CCDC158: variants seen among roughly 807,000 people sequenced by gnomAD.
The protein encoded by CCDC158 is coiled-coil domain containing 158.
Under a neutral mutation model 138.6 loss-of-function variants are expected in CCDC158, and 116 were observed. The observed-to-expected ratio is 0.84, with a 90% confidence interval of 0.72 to 0.98. The LOEUF (loss-of-function observed/expected upper bound fraction) is 0.98. CCDC158 is among the 50% of genes least tolerant of loss of function. CCDC158 has a pLI of 0.00. For missense variants in CCDC158, 1,265 were observed against 1,306.1 expected (o/e 0.97, Z 0.48); for synonymous variants, 436 against 442.4 (o/e 0.99, Z 0.18).
intron 2 of CCDC158, among the ~76,000 whole-genome samples, chr4:76,408,495 G>A (rs182612465): frequency 3.3e-5 from 5 of 152,150 alleles, no homozygotes; most frequent in African/African-American, 1.2e-4. Flanking sequence ...CTTCATCCAC[G>A]TCCCTACAAA....
At chr4:76,347,346 G>A (rs1002657036) in intron 18 of CCDC158, among the ~76,000 whole-genome samples, 13 of 152,050 alleles carry the variant, frequency 8.5e-5, no homozygotes, top group African/African-American at 3.1e-4. Context: ...CAGGCACATG[G>A]CACATACACA....
Position 76,369,640 on chromosome 4 carries a change from A to AAAAAGCAT in CCDC158, c.1150-18_1150-17insATGCTTTT. 1 of 1,591,858 alleles carries AAAAAGCAT rather than the reference A, an allele frequency of 6.3e-7. No individual in the cohort carries two copies. The highest frequency in any genetic ancestry group is 8.6e-7 in the Non-Finnish European group (1 of 1,165,412). ...TAGATCAGCCTAAAAAAAGAGAGGAATGCTTTTTTCCTCCCTGCTATTAAA... is the reference window on the plus strand; with the variant it reads ...TAGATCAGCCTAAAAAAAGAGAGGAAAAAAGCATTGCTTTTTTCCTCCCTGCTATTAAA... On this transcript the variant is annotated splice_polypyrimidine_tract_variant and intron_variant, in intron 10 of 24. Transcript: ENST00000682701.
intron 9 of CCDC158, chr4:76,375,242 G>A: frequency 3.3e-6 from 1 of 305,174 alleles, no homozygotes; most frequent in African/African-American, 2.1e-5. Context: ...CACCATCTAT[G>A]AATGCACTTT....
Position 76,367,641 on chromosome 4 carries a change from C to T in CCDC158, c.1483G>A (p.Glu495Lys), listed in dbSNP as rs1402801271. 1 of 1,614,118 alleles carries T rather than the reference C, an allele frequency of 6.2e-7. No individual in the cohort carries two copies. Among genetic ancestry groups the T allele is most frequent in the Non-Finnish European group, 8.5e-7 (1 of 1,180,058 alleles). ...TAKKMTLESS[E>K]RTISDLTTSL... Reference sequence around the variant, plus strand: ...GTTGTCAGGTCCGATATTGTCCTCTCTGAGCTCTCCAGAGTCATTTTCTTG... The same window carrying T: ...GTTGTCAGGTCCGATATTGTCCTCTTTGAGCTCTCCAGAGTCATTTTCTTG... The change falls in exon 12 of 25, where the codon GAG becomes AAG. Residue 495 changes from glutamate (E) to lysine (K), a missense_variant. Transcript: ENST00000682701.
At position 76,405,984 on chromosome 4, in the gene CCDC158, A is replaced by G. The variant is rs533979777; in HGVS notation, c.-73-2704T>C. On this transcript the variant is annotated intron_variant, in intron 2 of 24. Transcript: ENST00000682701. The stretch of plus-strand genomic sequence containing the variant: ...AATGATGTGAAAAAAATACCACAGA[A>G]TTTAGACCAAACAGTCATGTTGATT... Among the ~76,000 whole-genome samples the G allele has an allele frequency of 3.9e-5, 6 of 152,324 alleles. No homozygotes were observed. The East Asian group carries it at 1.2e-3, about 29-fold the overall frequency.
intron 11 of CCDC158, among the ~76,000 whole-genome samples, chr4:76,368,836 G>C (rs2110243064): frequency 6.6e-6 from 1 of 152,302 alleles, no homozygotes; most frequent in South Asian, 2.1e-4. Context: ...CAATTTTTAG[G>C]TAAACGTGAA....
At chr4:76,326,649 G>A (rs540832201) in intron 22 of CCDC158, among the ~76,000 whole-genome samples, 17 of 152,132 alleles carry the variant, frequency 1.1e-4, no homozygotes, top group South Asian at 2.1e-4. Flanking sequence ...GGGGAAAAAA[G>A]GAACAGACTA....
At chr4:76,355,531 A>G (rs1723464333) in intron 14 of CCDC158, 95 bp from the exon 15 acceptor site, 5 of 816,920 alleles carry the variant, frequency 6.1e-6, no homozygotes, top group Admixed American at 1.8e-5. Flanking sequence ...GGTGACAAGT[A>G]AGATCCTCCA....
Position 76,345,215 on chromosome 4 carries a change from G to A in CCDC158, c.2664+5781C>T, listed in dbSNP as rs926311257. On this transcript the variant is annotated intron_variant, in intron 18 of 24. Coordinates refer to ENST00000682701, the MANE Select transcript of CCDC158 (RefSeq NM_001394954.1). ...TATTTGACAAACTTAGGAAAGTAGAGGGTCAAGTTTCATCAGATGAAGATC... is the reference window on the plus strand; with the variant it reads ...TATTTGACAAACTTAGGAAAGTAGAAGGTCAAGTTTCATCAGATGAAGATC... 2.3e-5 allele frequency: 22 copies of A among 941,062 alleles called. No individual in the cohort carries two copies. In the African/African-American group the frequency reaches 2.9e-4, roughly 12 times the overall value. The allele number at this position is 941,062 out of a possible 1,614,324, so 58.3% of individuals were successfully genotyped here.
chr4:76,393,527 C>T (rs1049534434), intron 4 of CCDC158, among the ~76,000 whole-genome samples: 8 of 151,998 alleles, frequency 5.3e-5, no homozygotes, highest in African/African-American at 1.7e-4. Context: ...AACTATGAAA[C>T]TCTATGAGAA....
At chr4:76,416,229 T>C (rs113671287) in intron 1 of CCDC158, among the ~76,000 whole-genome samples, 4,072 of 152,190 alleles carry the variant, frequency 0.027, 179 homozygotes, top group African/African-American at 0.093. Flanking sequence ...TTACCTATCA[T>C]TGGAGATGGC....
At chr4:76,369,827 C>T (rs1482794683) in intron 10 of CCDC158, among the ~76,000 whole-genome samples, 1 of 152,146 alleles carries the variant, frequency 6.6e-6, no homozygotes, top group Non-Finnish European at 1.5e-5. Flanking sequence ...CATTACTAGT[C>T]TATCTCGAGG....
intron 3 of CCDC158, among the ~76,000 whole-genome samples, chr4:76,398,858 T>A (rs754300615): frequency 6.6e-6 from 1 of 151,528 alleles, no homozygotes; most frequent in African/African-American, 2.4e-5. Context: ...AGAGAGCGAA[T>A]GGTTATAAAT....
intron 21 of CCDC158, among the ~76,000 whole-genome samples, chr4:76,329,562 C>T (rs930226239): frequency 3.9e-5 from 6 of 152,022 alleles, no homozygotes; most frequent in Admixed American, 1.3e-4. Flanking sequence ...CCAGCCTGGG[C>T]GACAGGGAGA....
intron 4 of CCDC158, among the ~76,000 whole-genome samples, chr4:76,386,455 C>T (rs1374061172): frequency 2.0e-5 from 3 of 152,224 alleles, no homozygotes; most frequent in African/African-American, 7.2e-5. Flanking sequence ...CAATGGAATC[C>T]TCTAGGGAGT....
In CCDC158 at chr4:76,396,369, G is replaced by C. The variant is rs761629412; in HGVS notation, c.188C>G (p.Ser63Cys). ...AGGAGATGGGATGATTTTTCTAGGA[G>C]AATCAAGTTCCACTTCATATTTAGG... ...FFPKYEVELD[S>C]PRKIIPSPGK... The change falls in exon 4 of 25, where the codon TCT becomes TGT. Residue 63 changes from serine (S) to cysteine (C), a missense_variant. Coordinates refer to ENST00000682701, the MANE Select transcript of CCDC158 (RefSeq NM_001394954.1). 1.9e-6 allele frequency: 3 copies of C among 1,613,534 alleles called. No individual in the cohort carries two copies. The East Asian group carries it at 6.7e-5, about 36-fold the overall frequency.
intron 13 of CCDC158, among the ~76,000 whole-genome samples, chr4:76,359,818 A>G (rs981646251): frequency 2.0e-5 from 3 of 152,278 alleles, no homozygotes; most frequent in Admixed American, 6.5e-5. Context: ...CATCCCAACC[A>G]TGCAGTTGAA....
At chr4:76,381,891 C>T (rs919224147) in intron 8 of CCDC158, among the ~76,000 whole-genome samples, 2 of 151,734 alleles carry the variant, frequency 1.3e-5, no homozygotes, top group South Asian at 2.1e-4. Context: ...CCGTGTTAGC[C>T]AGGATGCTCT....
At chr4:76,395,311 T>C (rs1359924757) in intron 4 of CCDC158, among the ~76,000 whole-genome samples, 2 of 152,204 alleles carry the variant, frequency 1.3e-5, no homozygotes, top group Admixed American at 6.5e-5. Context: ...CTGTGCATAC[T>C]GGGGTACATA....
Sources: gnomAD v4.1 joint callset for allele counts (sites outside exome capture counted in the v4.1 genomes callset) on GRCh38, gnomAD v4.1.1 for gene constraint, MANE v1.5 for transcripts, NCBI Gene and HGNC (gene_info 2026-07-23, HGNC 2026-07-21) for gene names.